The following ZNF117 variants were observed in gnomAD, a reference collection of about 807,000 sequenced individuals.
ZNF117 encodes the protein Krueppel-related zinc finger protein.
Under a neutral mutation model 41.2 loss-of-function variants are expected in ZNF117, and 37 were observed. That is an observed-to-expected ratio of 0.90 (90% CI 0.69 to 1.18). ZNF117 has a LOEUF of 1.18. ZNF117 is among the 50% of genes most tolerant of loss of function. ZNF117 has a pLI of 0.00. For synonymous variants in ZNF117, 186 were observed against 186.6 expected (o/e 1.00, Z 0.02); for missense variants, 546 against 557.5 (o/e 0.98, Z 0.21).
At chr7:64,978,931 T>C (rs1321849232) in exon 3 of ZNF117, 2 of 1,613,518 alleles carry the variant, frequency 1.2e-6, no homozygotes, top group Admixed American at 1.7e-5. Flanking sequence ...CCAGTATGAA[T>C]TATATTATGT....
At chr7:64,975,559 A>G (rs1397692389) in exon 3 of ZNF117, 2 of 139,970 alleles carry the variant, frequency 1.4e-5, no homozygotes, top group Non-Finnish European at 3.1e-5. Context: ...TGAAGCAGCA[A>G]TTGATCACAT....
exon 3 of ZNF117, chr7:64,978,065 C>A: frequency 1.9e-6 from 3 of 1,556,782 alleles, no homozygotes; most frequent in Non-Finnish European, 2.6e-6. Flanking sequence ...ATTCTTCACA[C>A]TTGTAAGGTT....
downstream of ZNF117, chr7:64,973,792 CA>C (rs1785821111): frequency 6.6e-6 from 1 of 151,740 alleles, no homozygotes; most frequent in African/African-American, 2.4e-5. Flanking sequence ...ATAAAAGAAC[CA>C]AAATTTCTTT....
intron 2 of ZNF117, 177 bp downstream of exon 3, chr7:64,981,210 G>C: frequency 1.3e-6 from 1 of 765,132 alleles, no homozygotes; most frequent in South Asian, 1.8e-5. Flanking sequence ...GGAATCCTTA[G>C]AGAATTGAAA....
chr7:64,989,566 T>A (rs10253182), intron 1 of ZNF117, among the ~76,000 whole-genome samples: 4,426 of 144,378 alleles, frequency 0.031, 228 homozygotes, highest in African/African-American at 0.11. Context: ...AAAGATTTTA[T>A]GATGAAGATA....
exon 1 of ZNF117, chr7:64,990,276 G>C (rs1041989685): frequency 6.6e-6 from 1 of 152,226 alleles, no homozygotes; most frequent in African/African-American, 2.4e-5. Context: ...TTGTTAAAAA[G>C]TCAATGACAG....
At chr7:64,989,481 A>ATATATC (rs1786211947) in intron 1 of ZNF117, among the ~76,000 whole-genome samples, 2 of 93,830 alleles carry the variant, frequency 2.1e-5, no homozygotes, top group Non-Finnish European at 5.1e-5. Context: ...ATATATATAT[A>ATATATC]TATATATATA....
Position 64,989,477 on chromosome 7 carries a change from AT to A in ZNF117, c.-196+469del, listed in dbSNP as rs1562649388. On this transcript the variant is annotated intron_variant, in intron 1 of 3. Coordinates refer to the ZNF117 transcript ENST00000282869. Reference sequence around the variant, plus strand: ...TATATATATATATATATATATATATATATATATATATATATATATATAAAAC... The same window carrying A: ...TATATATATATATATATATATATATAATATATATATATATATATATAAAAC... 1.4e-3 allele frequency among the ~76,000 whole-genome samples: 160 copies of A among 114,846 alleles called. 5 individuals are homozygous for A. Among genetic ancestry groups the A allele is most frequent in the Admixed American group, 3.0e-3 (35 of 11,496 alleles). The allele number at this position is 114,846 out of a possible 152,430, so 75.3% of individuals were successfully genotyped here.
intron 2 of ZNF117, chr7:64,981,055 TAG>T (rs1484843615): frequency 3.7e-6 from 1 of 270,908 alleles, no homozygotes; most frequent in African/African-American, 2.3e-5. Context: ...CTGTTTAACA[TAG>T]AGTTTCTCAA....
chr7:64,984,424 A>G (rs1432071798), upstream of ZNF117, among the ~76,000 whole-genome samples: 3 of 152,204 alleles, frequency 2.0e-5, no homozygotes, highest in South Asian at 2.1e-4. Context: ...GAATTAGAAT[A>G]TTACTTTATT....
chr7:64,981,166 T>G (rs1786023871), intron 2 of ZNF117: 7 of 557,802 alleles, frequency 1.3e-5, no homozygotes, highest in Non-Finnish European at 2.1e-5. Context: ...TGGCTTTCAC[T>G]GTGAAATTGA....
upstream of ZNF117, among the ~76,000 whole-genome samples, chr7:64,986,178 AT>A (rs1786131739): frequency 2.0e-5 from 3 of 152,046 alleles, no homozygotes; most frequent in Non-Finnish European, 4.4e-5. Context: ...CCATGGGTGT[AT>A]CAATCAAGAA....
At chr7:64,989,613 T>C (rs1337441805) in intron 1 of ZNF117, among the ~76,000 whole-genome samples, 1 of 149,672 alleles carries the variant, frequency 6.7e-6, no homozygotes. Context: ...AATTGACAAA[T>C]GGGACCTAAT....
At chr7:64,981,442 C>T (rs780813170) in exon 2 of ZNF117, 3 of 1,612,694 alleles carry the variant, frequency 1.9e-6, no homozygotes, top group East Asian at 2.2e-5. Context: ...CTTTTCCTTG[C>T]TCCAGACAGG....
exon 3 of ZNF117, chr7:64,977,696 G>T: frequency 3.8e-6 from 3 of 798,170 alleles, no homozygotes; most frequent in East Asian, 4.3e-5. Context: ...TAAGGTTTAC[G>T]TATAGGTTGA....
rs142807950 is a variant in ZNF117, at chr7:64,977,375, T to C, written c.*744A>G. 9.2e-3 allele frequency: 3,817 copies of C among 414,392 alleles called. 30 individuals carry two copies. The highest frequency in any genetic ancestry group is 0.013 in the Non-Finnish European group (2,814 of 208,768). The allele number at this position is 414,392 out of a possible 1,614,324, so 25.7% of individuals were successfully genotyped here. On this transcript the variant is annotated 3_prime_UTR_variant, in exon 3 of 3. Coordinates refer to ENST00000620222, the Ensembl canonical transcript of ZNF117. The stretch of plus-strand genomic sequence containing the variant: ...AAAGGGTTGAAGACTGGCTAAAAGC[T>C]TTAGCACATTTTTCACATTTGTAAG...
downstream of ZNF117, chr7:64,972,779 T>C (rs1243747369): frequency 6.6e-6 from 1 of 152,058 alleles, no homozygotes; most frequent in Non-Finnish European, 1.5e-5. Context: ...TTGAAAAACA[T>C]TGACAATGTC....
At chr7:64,975,079 A>C (rs140672135) in exon 3 of ZNF117, 10 of 152,116 alleles carry the variant, frequency 6.6e-5, no homozygotes, top group African/African-American at 2.2e-4. Flanking sequence ...TGGCAAGAGA[A>C]ATTATTAGAG....
chr7:64,983,361 T>C (rs1241617712), upstream of ZNF117, among the ~76,000 whole-genome samples: 1 of 152,022 alleles, frequency 6.6e-6, no homozygotes, highest in African/African-American at 2.4e-5. Context: ...CTACGTGGCA[T>C]ATAAAGAGCC....
Sources: gnomAD v4.1 joint callset for allele counts (sites outside exome capture counted in the v4.1 genomes callset) on GRCh38, gnomAD v4.1.1 for gene constraint, MANE v1.5 for transcripts, NCBI Gene and HGNC (gene_info 2026-07-23, HGNC 2026-07-21) for gene names.